REV3L: variants seen among roughly 807,000 people sequenced by gnomAD.
REV3L encodes the protein DNA polymerase zeta catalytic subunit.
A neutral mutation model predicts 299.4 loss-of-function variants in REV3L; 69 were observed. The observed-to-expected ratio is 0.23, with a 90% CI of 0.19 to 0.28. The LOEUF is 0.28. Among genes scored for constraint, REV3L ranks in the 10% least tolerant of loss-of-function variants. The pLI, the probability that REV3L is intolerant of heterozygous loss-of-function variation, is 1.00. For synonymous variants in REV3L, 1,238 were observed against 1,271.4 expected (o/e 0.97, Z 0.56); for missense variants, 3,128 against 3,693.8 (o/e 0.85, Z 3.97).
intron 20 of REV3L, among the ~76,000 whole-genome samples, chr6:111,346,373 G>T (rs959000657): frequency 7.2e-5 from 11 of 152,160 alleles, no homozygotes; most frequent in African/African-American, 2.7e-4. Context: ...GAGGTATTTT[G>T]CTTGTCACTA....
At chr6:111,429,283 G>T (rs1786566180) in intron 1 of REV3L, among the ~76,000 whole-genome samples, 1 of 152,114 alleles carries the variant, frequency 6.6e-6, no homozygotes. Flanking sequence ...CAAAGTGCTA[G>T]GATTATAGGT....
chr6:111,437,949 C>T (rs1255722907), intron 1 of REV3L, among the ~76,000 whole-genome samples: 1 of 152,006 alleles, frequency 6.6e-6, no homozygotes, highest in Non-Finnish European at 1.5e-5. Flanking sequence ...GACCACCTGG[C>T]TCTAGTGATC....
chr6:111,471,644 CACTT>C (rs1211989837), intron 1 of REV3L, among the ~76,000 whole-genome samples: 2 of 152,160 alleles, frequency 1.3e-5, no homozygotes, highest in Non-Finnish European at 2.9e-5. Flanking sequence ...TATTAAAACT[CACTT>C]TACAGAGGAG....
intron 4 of REV3L, 129 bp downstream of exon 4, chr6:111,405,341 C>G (rs1173755162): frequency 1.6e-6 from 1 of 624,152 alleles, no homozygotes; most frequent in Non-Finnish European, 2.4e-6. Context: ...GCATGTATTT[C>G]TTTTCATTCT....
intron 5 of REV3L, 60 bp downstream of exon 5, chr6:111,392,816 A>T: frequency 9.3e-7 from 1 of 1,073,962 alleles, no homozygotes; most frequent in Non-Finnish European, 1.4e-6. Context: ...GTAACCACTG[A>T]TTTCTGATCA....
At chr6:111,370,542 A>G (rs1562199327) in intron 13 of REV3L, among the ~76,000 whole-genome samples, 1 of 152,174 alleles carries the variant, frequency 6.6e-6, no homozygotes, top group Non-Finnish European at 1.5e-5. Flanking sequence ...ATAAAATATG[A>G]TATTAGTATA....
chr6:111,357,541 G>T (rs1329365142), intron 17 of REV3L, among the ~76,000 whole-genome samples: 1 of 151,896 alleles, frequency 6.6e-6, no homozygotes, highest in African/African-American at 2.4e-5. Flanking sequence ...AAAATACAAA[G>T]AATTAGCTGG....
Position 111,373,774 on chromosome 6 carries a change from C to T in REV3L, c.4581G>A (p.Leu1527=). 6.2e-7 allele frequency: 1 copy of T among 1,614,042 alleles called. No homozygotes were observed. ...TTTGTAACAATTCTTTTAGAACTGC[C>T]AGTCCAGACTGTCCTTCACCAAATG... ...PSAFGEGQSG[L]AVLKELLQKR... The change falls in exon 13 of 32, where the codon CTG becomes CTA. Residue 1527 remains leucine, a synonymous_variant. Coordinates refer to ENST00000368802, the MANE Select transcript of REV3L (RefSeq NM_001372078.1).
intron 19 of REV3L, 43 bp downstream of exon 19, chr6:111,351,633 T>C (rs1426403534): frequency 7.0e-7 from 1 of 1,432,648 alleles, no homozygotes; most frequent in South Asian, 1.2e-5. Flanking sequence ...CCTTTATAAT[T>C]TGCTCTGTAG....
intron 31 of REV3L, among the ~76,000 whole-genome samples, chr6:111,305,741 C>T (rs17540283): frequency 3.2e-4 from 48 of 152,148 alleles, no homozygotes; most frequent in Middle Eastern, 3.4e-3. Flanking sequence ...TAGGAAAGGA[C>T]CATTTAACAG....
At position 111,299,220 on chromosome 6, in the gene REV3L, A is replaced by C. The variant is rs927398843; in HGVS notation, c.*796T>G. 1 of 152,634 alleles carries C rather than the reference A, an allele frequency of 6.6e-6. No homozygotes were observed. The highest frequency in any genetic ancestry group is 6.5e-5 in the Admixed American group (1 of 15,276). 9.5% of individuals were successfully genotyped at this position (152,634 alleles called of 1,614,324 possible). A position where few individuals can be genotyped will look rare whatever the true frequency, so the allele number is the denominator to read the frequency against. On this transcript the variant is annotated 3_prime_UTR_variant, in exon 32 of 32. Coordinates refer to ENST00000368802, the MANE Select transcript of REV3L (RefSeq NM_001372078.1). ...GCAAATAAGATTAACTGTACAGTAC[A>C]TAAGGAAAGAAAATATTTTAAGTAT...
intron 9 of REV3L, among the ~76,000 whole-genome samples, chr6:111,384,510 C>G (rs980611707): frequency 6.6e-6 from 1 of 152,120 alleles, no homozygotes; most frequent in African/African-American, 2.4e-5. Context: ...CATCACTGAT[C>G]ATCAGATAAA....
rs754346900 is a variant in REV3L at position 111,373,615 on chromosome 6, T to C, written c.4740A>G (p.Pro1580=). The change falls in exon 13 of 32, where the codon CCA becomes CCG. Residue 1580 remains proline, a synonymous_variant. Transcript: ENST00000368802. ...ANKRTRSVTS[P]RKPRTPRSTK... ...TACTTCTGGGAGTTCGAGGTTTTCT[T>C]GGGGACGTTACCGATCGTGTCCGTT... 3 of 1,614,044 alleles carry C rather than the reference T, an allele frequency of 1.9e-6. No homozygotes were observed. The highest frequency in any genetic ancestry group is 2.5e-6 in the Non-Finnish European group (3 of 1,180,030).
chr6:111,467,426 A>C (rs1415354578), intron 1 of REV3L, among the ~76,000 whole-genome samples: 1 of 152,206 alleles, frequency 6.6e-6, no homozygotes, highest in Non-Finnish European at 1.5e-5. Context: ...TCCACTGCTA[A>C]TGGCTAGCCT....
At chr6:111,402,368 C>T (rs1035505593) in intron 4 of REV3L, among the ~76,000 whole-genome samples, 1 of 152,168 alleles carries the variant, frequency 6.6e-6, no homozygotes. Flanking sequence ...AGGGCTCCCA[C>T]CTGCTGGGCA....
chr6:111,311,091 C>T lies in REV3L; in HGVS notation c.8773G>A (p.Val2925Met). ...TACCTTGTAAGTTCAAGGGCTGGCA[C>T]ACAAGCTCCTGGTTTATAAGAAAAA... ...GSFSYKPGACVPALELTRKML... is the reference protein window; with the variant it reads ...GSFSYKPGACMPALELTRKML... The change falls in exon 29 of 32, where the codon GTG (valine) becomes ATG (methionine). Residue 2925 changes from valine (V) to methionine (M), a missense_variant. Physicochemically the swap from Val to Met is conservative, Grantham distance 21 (BLOSUM62 1). Transcript: ENST00000368802. The T allele has an allele frequency of 6.2e-7, 1 of 1,613,400 alleles. No homozygotes were observed. Among genetic ancestry groups the T allele is most frequent in the Non-Finnish European group, 8.5e-7 (1 of 1,179,710 alleles).
chr6:111,341,003 T>C (rs537248596), intron 21 of REV3L, among the ~76,000 whole-genome samples: 1 of 151,624 alleles, frequency 6.6e-6, no homozygotes, highest in East Asian at 1.9e-4. Context: ...AAGTTAAATA[T>C]CAAGTTTTAT....
At position 111,373,534 on chromosome 6, in the gene REV3L, T is replaced by C. The variant is rs202135971; in HGVS notation, c.4821A>G (p.Gln1607=). The part of the protein sequence containing the change: ...KLLKVDSLNL[Q]NSSQLDNSVS... ...CAGAGTTATCCAACTGGCTAGAGTT[T>C]TGTAAATTTAAAGAGTCTACTTTGA... is the stretch of plus-strand genomic sequence containing the variant. Residue 1607 remains glutamine (Q), a synonymous_variant, in exon 13 of 32, where the codon CAA becomes CAG. Transcript: ENST00000368802. 105 of 1,613,308 alleles carry C rather than the reference T, an allele frequency of 6.5e-5. No homozygotes were observed. Among genetic ancestry groups the C allele is most frequent in the Non-Finnish European group, 2.4e-5 (28 of 1,179,864 alleles).
At chr6:111,358,223 T>G (rs528406088) in intron 17 of REV3L, among the ~76,000 whole-genome samples, 3 of 152,244 alleles carry the variant, frequency 2.0e-5, no homozygotes, top group African/African-American at 7.2e-5. Flanking sequence ...AAAGTAAGAA[T>G]ATATCTTAAA....
Sources: allele counts gnomAD v4.1 joint callset (sites outside exome capture counted in the v4.1 genomes callset), GRCh38; gene constraint gnomAD v4.1.1; transcripts MANE v1.5; gene names NCBI Gene and HGNC (gene_info 2026-07-23, HGNC 2026-07-21).